SYT1: variants seen among roughly 807,000 people sequenced by gnomAD.
SYT1 encodes the protein synaptotagmin-1.
In SYT1, 8 loss-of-function variants were observed where a neutral mutation model predicts 44.8. That is an observed-to-expected ratio of 0.18 (90% confidence interval 0.10 to 0.32). The LOEUF is 0.32. Ranked by LOEUF, SYT1 falls within the 10% of genes least tolerant of loss-of-function variation. The pLI is 1.00. For synonymous variants in SYT1, 154 were observed against 188.8 expected (o/e 0.82, Z 1.51); for missense variants, 286 against 509.3 (o/e 0.56, Z 4.22).
chr12:79,418,396 T>C (rs1868890410), intron 9 of SYT1, among the ~76,000 whole-genome samples: 1 of 152,296 alleles, frequency 6.6e-6, no homozygotes, highest in East Asian at 1.9e-4. Context: ...ATCTCTCCAA[T>C]GGGGTTTTGG....
intron 1 of SYT1, among the ~76,000 whole-genome samples, chr12:78,933,200 A>G (rs1338336739): frequency 6.6e-6 from 1 of 152,110 alleles, no homozygotes; most frequent in Non-Finnish European, 1.5e-5. Flanking sequence ...TGGTCTGCAT[A>G]TGGTTAGATG....
intron 1 of SYT1, among the ~76,000 whole-genome samples, chr12:78,951,072 T>A (rs535224746): frequency 7.0e-4 from 106 of 152,296 alleles, no homozygotes; most frequent in African/African-American, 2.5e-3. Context: ...ATCCTCTACA[T>A]AAATGAACGT....
intron 4 of SYT1, among the ~76,000 whole-genome samples, chr12:79,276,245 A>G (rs1256648648): frequency 1.3e-5 from 2 of 152,214 alleles, no homozygotes; most frequent in South Asian, 4.1e-4. Flanking sequence ...CAGATAAAGA[A>G]TTCAAAAAAT....
At chr12:79,070,576 T>C (rs1049447819) in intron 3 of SYT1, among the ~76,000 whole-genome samples, 1 of 152,090 alleles carries the variant, frequency 6.6e-6, no homozygotes, top group Non-Finnish European at 1.5e-5. Flanking sequence ...ACACCAATTT[T>C]TTAGGCGTTT....
chr12:79,417,662 C>T (rs746979279), intron 9 of SYT1, among the ~76,000 whole-genome samples: 1 of 152,134 alleles, frequency 6.6e-6, no homozygotes, highest in Non-Finnish European at 1.5e-5. Context: ...AGGCCTGCCT[C>T]TCCAAATGGC....
intron 4 of SYT1, among the ~76,000 whole-genome samples, chr12:79,257,250 C>T (rs772090866): frequency 4.6e-5 from 7 of 152,190 alleles, no homozygotes; most frequent in Non-Finnish European, 8.8e-5. Context: ...GTATCCTTCT[C>T]ATACCATAAA....
intron 3 of SYT1, among the ~76,000 whole-genome samples, chr12:79,062,781 T>TAG (rs1171188735): frequency 6.6e-6 from 1 of 152,166 alleles, no homozygotes; most frequent in Non-Finnish European, 1.5e-5. Flanking sequence ...GATGAATGGT[T>TAG]AGAAATGTTC....
chr12:78,957,088 A>G (rs1328376755), intron 1 of SYT1, among the ~76,000 whole-genome samples: 3 of 152,172 alleles, frequency 2.0e-5, no homozygotes, highest in Non-Finnish European at 4.4e-5. Flanking sequence ...CCACTGTTTG[A>G]GGGAGACTGA....
chr12:79,441,885 T>A (rs1223764313), intron 9 of SYT1, among the ~76,000 whole-genome samples: 4 of 152,204 alleles, frequency 2.6e-5, no homozygotes, highest in Admixed American at 2.6e-4. Flanking sequence ...GTCTTTCAGT[T>A]CTTGGCTAAA....
chr12:79,121,448 C>A (rs1879595220), intron 3 of SYT1, among the ~76,000 whole-genome samples: 1 of 151,526 alleles, frequency 6.6e-6, no homozygotes, highest in Non-Finnish European at 1.5e-5. Flanking sequence ...TCAGTAACAT[C>A]AAATAGATCT....
chr12:79,258,310 C>T (rs1406953330), intron 4 of SYT1, among the ~76,000 whole-genome samples: 2 of 152,142 alleles, frequency 1.3e-5, no homozygotes, highest in Non-Finnish European at 2.9e-5. Flanking sequence ...GTCTGACTTT[C>T]AAACAGTTCA....
chr12:79,269,817 A>G (rs1211300039), intron 4 of SYT1, among the ~76,000 whole-genome samples: 1 of 152,202 alleles, frequency 6.6e-6, no homozygotes, highest in African/African-American at 2.4e-5. Flanking sequence ...TATCATTCTA[A>G]AGGAAAAAAG....
At chr12:79,244,756 C>T (rs1444347013) in intron 4 of SYT1, among the ~76,000 whole-genome samples, 2 of 151,462 alleles carry the variant, frequency 1.3e-5, no homozygotes, top group African/African-American at 4.9e-5. Flanking sequence ...GTTATATTAA[C>T]CTTCCCCGCT....
chr12:79,334,472 A>G (rs1592975513), intron 8 of SYT1, among the ~76,000 whole-genome samples: 2 of 152,130 alleles, frequency 1.3e-5, no homozygotes, highest in Non-Finnish European at 2.9e-5. Context: ...GGTCAGGGAA[A>G]GGCTCGGCGA....
intron 1 of SYT1, among the ~76,000 whole-genome samples, chr12:78,919,497 G>A (rs779672133): frequency 1.6e-4 from 24 of 152,146 alleles, no homozygotes; most frequent in East Asian, 3.9e-4. Flanking sequence ...ATGAATAATC[G>A]TTAGTTCCCC....
At chr12:78,889,308 C>T (rs962149883) in intron 1 of SYT1, among the ~76,000 whole-genome samples, 29 of 151,862 alleles carry the variant, frequency 1.9e-4, no homozygotes, top group African/African-American at 6.3e-4. Context: ...GCTCCAATCA[C>T]GTTACCAAAG....
intron 1 of SYT1, among the ~76,000 whole-genome samples, chr12:78,902,298 G>GA (rs554405706): frequency 6.6e-6 from 1 of 151,590 alleles, no homozygotes; most frequent in Non-Finnish European, 1.5e-5. Context: ...ACTGATTCTT[G>GA]AAAAAATGAC....
At chr12:79,200,748 C>G (rs1423551448) in intron 3 of SYT1, among the ~76,000 whole-genome samples, 1 of 152,048 alleles carries the variant, frequency 6.6e-6, no homozygotes, top group East Asian at 1.9e-4. Context: ...AAATCTATAC[C>G]AGTCATAAGA....
At chr12:79,426,889 G>C (rs1869483209) in intron 9 of SYT1, among the ~76,000 whole-genome samples, 1 of 152,174 alleles carries the variant, frequency 6.6e-6, no homozygotes, top group South Asian at 2.1e-4. Context: ...TTTCCCCCAT[G>C]CTGTCCTCAT....
Sources: gnomAD v4.1 joint callset for allele counts (sites outside exome capture counted in the v4.1 genomes callset) on GRCh38, gnomAD v4.1.1 for gene constraint, MANE v1.5 for transcripts, NCBI Gene and HGNC (gene_info 2026-07-23, HGNC 2026-07-21) for gene names.